The following ANGEL1 variants were observed in gnomAD, a reference collection of about 807,000 sequenced individuals.
ANGEL1 encodes the protein angel homolog 1.
In ANGEL1, 62 loss-of-function variants were observed where a neutral mutation model predicts 76.4. The observed-to-expected ratio is 0.81, with a 90% confidence interval of 0.66 to 1.00. The LOEUF is 1.00. ANGEL1 is among the 50% of genes least tolerant of loss of function. ANGEL1 has a pLI of 0.00. For synonymous variants in ANGEL1, 340 were observed against 331.7 expected (o/e 1.03, Z -0.27); for missense variants, 737 against 836.7 (o/e 0.88, Z 1.47).
chr14:76,809,672 T>C, intron 1 of ANGEL1, 29 bp from the exon 2 acceptor site: 1 of 1,579,130 alleles, frequency 6.3e-7, no homozygotes, highest in Non-Finnish European at 8.7e-7. Context: ...TACCAGGTTA[T>C]AAGACTGTCA....
intron 7 of ANGEL1, 82 bp from the exon 8 acceptor site, chr14:76,791,448 T>C: frequency 7.6e-7 from 1 of 1,314,980 alleles, no homozygotes; most frequent in South Asian, 1.2e-5. Context: ...AAAATCCCTC[T>C]CAGATCCTTG....
Position 76,789,243 on chromosome 14 carries a change from T to C in ANGEL1, c.1998A>G (p.Glu666=). The C allele has an allele frequency of 6.2e-7, 1 of 1,614,220 alleles. No homozygotes were observed. The highest frequency in any genetic ancestry group is 8.5e-7 in the Non-Finnish European group (1 of 1,180,032). The part of the protein sequence containing the change: ...HLCLLASFGM[E]VTAP ...GGGAGCCCTGTCATGGGGCGGTGACTTCCATCCCGAAGCTGGCTAGCAGGC... is the reference window on the plus strand; with the variant it reads ...GGGAGCCCTGTCATGGGGCGGTGACCTCCATCCCGAAGCTGGCTAGCAGGC... Residue 666 remains glutamate, a synonymous_variant, in exon 10 of 10, where the codon GAA becomes GAG. Coordinates refer to ENST00000251089, the MANE Select transcript of ANGEL1 (RefSeq NM_015305.4).
intron 7 of ANGEL1, among the ~76,000 whole-genome samples, chr14:76,799,536 G>A (rs1175496005): frequency 1.3e-5 from 2 of 151,668 alleles, no homozygotes; most frequent in African/African-American, 2.4e-5. Flanking sequence ...CTCATGATCC[G>A]CCCGCCTCAG....
At position 76,789,220 on chromosome 14, in the gene ANGEL1, G is replaced by A. The variant is rs1274022942; in HGVS notation, c.*8C>T. On this transcript the variant is annotated 3_prime_UTR_variant, in exon 10 of 10. Transcript: ENST00000251089. ...TGGAAGAGAAGCTCTCTTCCCCTGGGAGCCCTGTCATGGGGCGGTGACTTC... is the reference window on the plus strand; with the variant it reads ...TGGAAGAGAAGCTCTCTTCCCCTGGAAGCCCTGTCATGGGGCGGTGACTTC... 1.9e-6 allele frequency: 3 copies of A among 1,614,026 alleles called. No individual in the cohort carries two copies. The South Asian group carries it at 3.3e-5, about 18-fold the overall frequency.
At chr14:76,802,992 C>T (rs1894810469) in intron 7 of ANGEL1, among the ~76,000 whole-genome samples, 1 of 152,226 alleles carries the variant, frequency 6.6e-6, no homozygotes, top group Admixed American at 6.5e-5. Context: ...TGAAATTTCT[C>T]AGTAGGAACA....
intron 7 of ANGEL1, among the ~76,000 whole-genome samples, chr14:76,798,510 T>C (rs1277811555): frequency 6.6e-6 from 1 of 152,196 alleles, no homozygotes; most frequent in Non-Finnish European, 1.5e-5. Context: ...ATCCAGTTTA[T>C]GGTATCTTGT....
At chr14:76,792,151 CTT>C (rs1048352019) in intron 7 of ANGEL1, among the ~76,000 whole-genome samples, 10 of 152,090 alleles carry the variant, frequency 6.6e-5, no homozygotes, top group Admixed American at 1.3e-4. Flanking sequence ...AATTGGATAA[CTT>C]ATATAAAATT....
intron 7 of ANGEL1, among the ~76,000 whole-genome samples, chr14:76,802,466 C>T (rs151145902): frequency 6.6e-6 from 1 of 152,144 alleles, no homozygotes; most frequent in Non-Finnish European, 1.5e-5. Flanking sequence ...CTTTTTGACA[C>T]AGGGTTATGT....
intron 9 of ANGEL1, 95 bp from the exon 10 acceptor site, chr14:76,789,483 G>C: frequency 2.1e-6 from 3 of 1,451,444 alleles, no homozygotes; most frequent in Non-Finnish European, 2.8e-6. Flanking sequence ...CCTTCTGCAG[G>C]CTGCATCCCC....
In ANGEL1 at chr14:76,787,971, T is replaced by C. The variant is rs1894297176; in HGVS notation, c.*1257A>G. The C allele has an allele frequency of 6.6e-6, 1 of 152,540 alleles. No individual in the cohort carries two copies. Among genetic ancestry groups the C allele is most frequent in the African/African-American group, 2.4e-5 (1 of 41,472 alleles). The allele number at this position is 152,540 out of a possible 1,614,324, so 9.4% of individuals were successfully genotyped here. ...GCAGACGCAACAAGCAGCTGAGGCC[T>C]TGCTGGACAGAGCCAATCCGCAAGT... On this transcript the variant is annotated 3_prime_UTR_variant, in exon 10 of 10. Coordinates refer to ENST00000251089, the MANE Select transcript of ANGEL1 (RefSeq NM_015305.4).
chr14:76,790,807 A>G (rs189030128), intron 8 of ANGEL1, 33 bp from the exon 9 acceptor site: 729 of 1,528,194 alleles, frequency 4.8e-4, no homozygotes, highest in Admixed American at 6.8e-4. Context: ...ATTAGTTAAC[A>G]AAAATTACTA....
intron 9 of ANGEL1, 77 bp from the exon 10 acceptor site, chr14:76,789,465 T>C: frequency 6.5e-7 from 1 of 1,542,990 alleles, no homozygotes; most frequent in Non-Finnish European, 8.8e-7. Context: ...CAGAGTCCTT[T>C]GGGAACGCCT....
chr14:76,806,325 G>A (rs1269946285), intron 5 of ANGEL1, 91 bp downstream of exon 5: 28 of 1,362,370 alleles, frequency 2.1e-5, no homozygotes, highest in Non-Finnish European at 2.5e-5. Flanking sequence ...CAGGTGTACT[G>A]AGGTCCCTGC....
chr14:76,791,793 CCATT>C (rs1433120481), intron 7 of ANGEL1, among the ~76,000 whole-genome samples: 3 of 152,134 alleles, frequency 2.0e-5, no homozygotes, highest in Non-Finnish European at 4.4e-5. Flanking sequence ...TACATACCAT[CCATT>C]GTGTGTGTCT....
At chr14:76,800,082 A>T (rs577458288) in intron 7 of ANGEL1, among the ~76,000 whole-genome samples, 1 of 152,342 alleles carries the variant, frequency 6.6e-6, no homozygotes, top group South Asian at 2.1e-4. Flanking sequence ...TGAACTGGCT[A>T]CTTTGCCCCT....
rs1266798313 is a variant in ANGEL1, at chr14:76,806,833, G to A, written c.963C>T (p.Tyr321=). 4 of 1,613,198 alleles carry A rather than the reference G, an allele frequency of 2.5e-6. No homozygotes were observed. The East Asian group carries it at 6.7e-5, about 27-fold the overall frequency. Residue 321 remains tyrosine (Y), a synonymous_variant, in exon 5 of 10, where the codon TAC becomes TAT. Transcript: ENST00000251089. ...CGGTTTTACACCCAGTCCTCCTCTT[G>A]TAGAAACAGGTAAAGCCTGCAAGGA... ...SLRMMGFTCF[Y]KRRTGCKTDG... is the part of the protein sequence containing the mutation.
intron 5 of ANGEL1, among the ~76,000 whole-genome samples, chr14:76,805,012 AAAAT>A (rs59478597): frequency 0.15 from 21,685 of 146,888 alleles, 1,810 homozygotes; most frequent in African/African-American, 0.22. Flanking sequence ...TCTGTCTCAA[AAAAT>A]AAATAAATAA....
intron 7 of ANGEL1, among the ~76,000 whole-genome samples, chr14:76,802,430 T>G (rs766036532): frequency 1.3e-5 from 2 of 152,210 alleles, no homozygotes; most frequent in Admixed American, 6.5e-5. Context: ...AGGGAAGGAC[T>G]GGGTATTTCA....
At chr14:76,804,761 G>A (rs934671450) in intron 5 of ANGEL1, among the ~76,000 whole-genome samples, 3 of 152,206 alleles carry the variant, frequency 2.0e-5, no homozygotes, top group Non-Finnish European at 4.4e-5. Context: ...TGTAATCCTA[G>A]CACTTTGGGA....
Sources: gnomAD v4.1 joint callset for allele counts (sites outside exome capture counted in the v4.1 genomes callset) on GRCh38, gnomAD v4.1.1 for gene constraint, MANE v1.5 for transcripts, NCBI Gene and HGNC (gene_info 2026-07-23, HGNC 2026-07-21) for gene names.